Variants in ALG6 observed in about 807,000 individuals in gnomAD.
ALG6 encodes the protein dolichyl pyrophosphate Man9GlcNAc2 alpha-1,3-glucosyltransferase.
In ALG6, 46 loss-of-function variants were observed where a neutral mutation model predicts 66.6. The observed-to-expected ratio is 0.69, with a 90% CI of 0.55 to 0.88. ALG6 has a LOEUF of 0.88. ALG6 is among the 40% of genes least tolerant of loss of function. ALG6 has a pLI of 0.00. For synonymous variants in ALG6, 185 were observed against 203.7 expected, an observed-to-expected ratio of 0.91 and a Z score of 0.78; for missense variants, 505 against 586.8, an observed-to-expected ratio of 0.86 and a Z score of 1.44.
chr1:63,422,102 A>T (rs1458948437), intron 12 of ALG6, among the ~76,000 whole-genome samples: 4 of 98,034 alleles, frequency 4.1e-5, no homozygotes, highest in Admixed American at 1.3e-4. Context: ...TAAATATATA[A>T]ATATAAATAT....
In ALG6 at chr1:63,401,580, C is replaced by T. The variant is rs75633854; in HGVS notation, c.168-674C>T. ...ACTCAGGAGGCTGAGGCAGGAGAAT[C>T]GCTTAAAAAAAAAAAAAACCCAGGA... On this transcript the variant is annotated intron_variant, in intron 3 of 14. Coordinates refer to ENST00000263440, the MANE Select transcript of ALG6 (RefSeq NM_013339.4). 5.5e-3 allele frequency among the ~76,000 whole-genome samples: 813 copies of T among 148,492 alleles called. 11 individuals are homozygous for T. The highest frequency in any genetic ancestry group is 0.019 in the African/African-American group (779 of 40,406).
At chr1:63,391,182 T>C (rs575718604) in intron 2 of ALG6, among the ~76,000 whole-genome samples, 2 of 152,220 alleles carry the variant, frequency 1.3e-5, no homozygotes, top group Non-Finnish European at 2.9e-5. Flanking sequence ...AGAGGAAAAA[T>C]ACATTTTCCT....
chr1:63,406,827 C>CA (rs571899732), intron 6 of ALG6, among the ~76,000 whole-genome samples: 36 of 152,054 alleles, frequency 2.4e-4, no homozygotes, highest in Non-Finnish European at 4.4e-4. Context: ...CTTCCTCTGA[C>CA]AAAACCTTTT....
intron 2 of ALG6, 114 bp from the exon 3 acceptor site, chr1:63,396,399 G>A (rs193075689): frequency 3.4e-6 from 3 of 885,132 alleles, no homozygotes; most frequent in East Asian, 2.5e-5. Flanking sequence ...TAACTCCTGT[G>A]TTCTTTCTGT....
At chr1:63,380,351 C>T (rs577024335) in intron 2 of ALG6, among the ~76,000 whole-genome samples, 68 of 152,146 alleles carry the variant, frequency 4.5e-4, no homozygotes, top group Admixed American at 5.9e-4. Context: ...TGTTCGTGAA[C>T]GGAAGAAAGG....
intron 14 of ALG6, among the ~76,000 whole-genome samples, chr1:63,431,475 G>A (rs1644645013): frequency 6.6e-6 from 1 of 152,058 alleles, no homozygotes; most frequent in Non-Finnish European, 1.5e-5. Context: ...GGAGTGCAAT[G>A]GTGTGATCTT....
At chr1:63,435,038 G>A (rs1644670379) in intron 14 of ALG6, among the ~76,000 whole-genome samples, 1 of 152,246 alleles carries the variant, frequency 6.6e-6, no homozygotes, top group Admixed American at 6.5e-5. Flanking sequence ...ACTGACCATG[G>A]GATTTACTAC....
intron 12 of ALG6, among the ~76,000 whole-genome samples, chr1:63,422,126 A>AAT (rs1334474580): frequency 2.7e-5 from 2 of 74,384 alleles, no homozygotes; most frequent in Admixed American, 2.0e-4. Context: ...TAAATATATA[A>AAT]ATAAATATAT....
At chr1:63,398,441 G>C (rs1170422116) in intron 3 of ALG6, among the ~76,000 whole-genome samples, 5 of 152,098 alleles carry the variant, frequency 3.3e-5, no homozygotes, top group Non-Finnish European at 5.9e-5. Flanking sequence ...GAGTAATTGT[G>C]ACCTGAGCAT....
At chr1:63,387,359 C>T (rs990605062) in intron 2 of ALG6, among the ~76,000 whole-genome samples, 20 of 152,004 alleles carry the variant, frequency 1.3e-4, no homozygotes, top group African/African-American at 4.6e-4. Context: ...TTGTCCAGTG[C>T]TGAAATTGAC....
chr1:63,422,155 ATAT>A (rs1644578938), intron 12 of ALG6, among the ~76,000 whole-genome samples: 1 of 15,580 alleles, frequency 6.4e-5, no homozygotes, highest in Non-Finnish European at 9.5e-5. Flanking sequence ...ATAAATATAA[ATAT>A]ATATATAACT....
chr1:63,431,036 G>A (rs1024706646), intron 14 of ALG6, among the ~76,000 whole-genome samples: 4 of 151,920 alleles, frequency 2.6e-5, no homozygotes, highest in African/African-American at 9.7e-5. Context: ...CCTTTGAGTT[G>A]CTTTGAGTTA....
At chr1:63,403,492 G>T (rs991346599) in intron 4 of ALG6, among the ~76,000 whole-genome samples, 4 of 152,140 alleles carry the variant, frequency 2.6e-5, no homozygotes, top group African/African-American at 9.7e-5. Flanking sequence ...TTCCATCTTA[G>T]ATTTGAAGTA....
chr1:63,409,720 T>A (rs1644507041), intron 7 of ALG6, among the ~76,000 whole-genome samples: 1 of 152,142 alleles, frequency 6.6e-6, no homozygotes, highest in East Asian at 1.9e-4. Flanking sequence ...TATCCTAGTG[T>A]ATCTATTTTT....
At chr1:63,419,156 TAAAG>T (rs1644560710) in intron 11 of ALG6, among the ~76,000 whole-genome samples, 2 of 152,172 alleles carry the variant, frequency 1.3e-5, no homozygotes, top group Non-Finnish European at 2.9e-5. Flanking sequence ...GATGGTTAAA[TAAAG>T]CTTTATAATC....
At chr1:63,422,416 T>TAAGTATAA (rs1261936153) in intron 12 of ALG6, among the ~76,000 whole-genome samples, 2 of 24,944 alleles carry the variant, frequency 8.0e-5, no homozygotes, top group African/African-American at 8.5e-4. Flanking sequence ...TAAATATAAA[T>TAAGTATAA]ATATATATAA....
At chr1:63,371,084 A>C (rs990992107) in intron 2 of ALG6, 25 bp downstream of exon 2, 1 of 1,544,212 alleles carries the variant, frequency 6.5e-7, no homozygotes, top group Non-Finnish European at 9.0e-7. Flanking sequence ...CTGGTTAAAA[A>C]AAAAACGAAA....
rs1557587565 is a variant in ALG6 at position 63,400,271 on chromosome 1, ATATATATATACG to A, written c.168-1972_168-1961del. Among the ~76,000 whole-genome samples, 37 of 24,414 alleles carry A rather than the reference ATATATATATACG, an allele frequency of 1.5e-3. 1 individual carries two copies. Among genetic ancestry groups the A allele is most frequent in the African/African-American group, 3.5e-3 (11 of 3,176 alleles). 16.0% of individuals were successfully genotyped at this position (24,414 alleles called of 152,430 possible). On this transcript the variant is annotated intron_variant, in intron 3 of 14. Coordinates refer to ENST00000263440, the MANE Select transcript of ALG6 (RefSeq NM_013339.4). Reference sequence around the variant, plus strand: ...TATATATATGTATATATATATACGTATATATATATACGTATATATATATACGTATATATATGT... The same window carrying A: ...TATATATATGTATATATATATACGTATATATATATATACGTATATATATGT...
chr1:63,432,778 T>C (rs955875122), intron 14 of ALG6, among the ~76,000 whole-genome samples: 1 of 152,210 alleles, frequency 6.6e-6, no homozygotes, highest in African/African-American at 2.4e-5. Context: ...ATGAAGTTGT[T>C]GTTGTTGAGA....
Sources: gnomAD v4.1 joint callset for allele counts (sites outside exome capture counted in the v4.1 genomes callset) on GRCh38, gnomAD v4.1.1 for gene constraint, MANE v1.5 for transcripts, NCBI Gene and HGNC (gene_info 2026-07-23, HGNC 2026-07-21) for gene names.